Variants in RNH1 observed in about 807,000 individuals in gnomAD.
The protein encoded by RNH1 is ribonuclease/angiogenin inhibitor 1.
A neutral mutation model predicts 46.1 loss-of-function variants in RNH1; 38 were observed. The observed-to-expected ratio is 0.82, with a 90% CI of 0.64 to 1.08. The LOEUF is 1.08. RNH1 is among the 50% of genes least tolerant of loss of function. The pLI is 0.00. For missense variants in RNH1, 577 were observed against 590.7 expected, an observed-to-expected ratio of 0.98 and a Z score of 0.24; for synonymous variants, 319 against 279.1, an observed-to-expected ratio of 1.14 and a Z score of -1.43.
intron 2 of RNH1, among the ~76,000 whole-genome samples, chr11:503,959 GCT>G (rs1179070859): frequency 1.3e-5 from 2 of 152,088 alleles, no homozygotes; most frequent in Non-Finnish European, 2.9e-5. Flanking sequence ...GAAGTCCCTG[GCT>G]CCCTACACAG....
At position 494,647 on chromosome 11, in the gene RNH1, GC is replaced by G. The variant is rs763482587; in HGVS notation, c.*43del. 15 of 1,577,082 alleles carry G rather than the reference GC, an allele frequency of 9.5e-6. No homozygotes were observed. Among genetic ancestry groups the G allele is most frequent in the Non-Finnish European group, 1.3e-5 (15 of 1,148,238 alleles). On this transcript the variant is annotated 3_prime_UTR_variant, in exon 11 of 11. Coordinates refer to ENST00000354420, the MANE Select transcript of RNH1 (RefSeq NM_203387.3). ...GCAGGGGCTGGTGGGCCCCAGGGTTGCCTCGAGGCCGGTCGTCCAGGGAGAG... is the reference window on the plus strand; with the variant it reads ...GCAGGGGCTGGTGGGCCCCAGGGTTGCTCGAGGCCGGTCGTCCAGGGAGAG...
At position 498,009 on chromosome 11, in the gene RNH1, C is replaced by A. The variant is rs1211899807; in HGVS notation, c.1089G>T (p.Gln363His). The change falls in exon 9 of 11, where the codon CAG (glutamine) becomes CAT (histidine). Residue 363 changes from glutamine to histidine, a missense_variant. Gln to His is a conservative substitution (Grantham distance 24). Transcript: ENST00000354420. ...GCACAGAGCCAGGCTGGCCCAGGCC[C>A]TGGCACAGCTCCCGCACGCCCGCAT... ...LEDAGVRELC[Q>H]GLGQPGSVLR... is the part of the protein sequence containing the mutation. The A allele has an allele frequency of 1.2e-6, 2 of 1,613,936 alleles. No individual in the cohort carries two copies. The highest frequency in any genetic ancestry group is 1.7e-6 in the Non-Finnish European group (2 of 1,180,012).
rs1849580288 is a variant in RNH1, at chr11:499,857, C to A, written c.415G>T (p.Asp139Tyr). The change falls in exon 5 of 11, where the codon GAC becomes TAC. Residue 139 changes from aspartate to tyrosine, a missense_variant. Asp to Tyr is a radical substitution (Grantham distance 160, BLOSUM62 -3). Transcript: ENST00000354420. ...AGCTTTTCCAGGCGGCACTGGGGGT[C>A]CAGGAGTCCTTCGCAGAGCAGCTGC... ...GLQLLCEGLLDPQCRLEKLQL... is the reference protein window; with the variant it reads ...GLQLLCEGLLYPQCRLEKLQL... 3 of 1,611,716 alleles carry A rather than the reference C, an allele frequency of 1.9e-6. No individual in the cohort carries two copies. The highest frequency in any genetic ancestry group is 2.5e-6 in the Non-Finnish European group (3 of 1,179,066).
Position 502,567 on chromosome 11 carries a change from G to A in RNH1, c.-87-318C>T. 1 of 252,308 alleles carries A rather than the reference G, an allele frequency of 4.0e-6. No individual in the cohort carries two copies. Among genetic ancestry groups the A allele is most frequent in the Non-Finnish European group, 7.9e-6 (1 of 125,794 alleles). The allele number at this position is 252,308 out of a possible 1,614,324, so 15.6% of individuals were successfully genotyped here. ...GCTTGGGCAAGGACAGGGTAGGGTGGGGTGGTCTGTGAGCCTGGAGGCCCC... is the reference window on the plus strand; with the variant it reads ...GCTTGGGCAAGGACAGGGTAGGGTGAGGTGGTCTGTGAGCCTGGAGGCCCC... On this transcript the variant is annotated intron_variant, in intron 2 of 10. Coordinates refer to ENST00000354420, the MANE Select transcript of RNH1 (RefSeq NM_203387.3). This position sits in a 1 kb window ranked among gnomAD's most constrained non-coding sequence, Gnocchi z 5.8.
Position 502,093 on chromosome 11 carries a change from G to A in RNH1, c.70C>T (p.Leu24Phe). 1.9e-6 allele frequency: 3 copies of A among 1,612,278 alleles called. No individual in the cohort carries two copies. Among genetic ancestry groups the A allele is most frequent in the Non-Finnish European group, 2.5e-6 (3 of 1,179,592 alleles). The change falls in exon 3 of 11, where the codon CTC becomes TTC. Residue 24 changes from leucine to phenylalanine, a missense_variant. Coordinates refer to ENST00000354420, the MANE Select transcript of RNH1 (RefSeq NM_203387.3). This position sits in a 1 kb window ranked among gnomAD's most constrained non-coding sequence, Gnocchi z 5.8. ...ELSDARWAEL[L>F]PLLQQCQVVR... ...ACTTGGCACTGCTGGAGCAGAGGGAGGAGCTCGGCCCATCTAGCGTCGCTC... is the reference window on the plus strand; with the variant it reads ...ACTTGGCACTGCTGGAGCAGAGGGAAGAGCTCGGCCCATCTAGCGTCGCTC...
intron 2 of RNH1, among the ~76,000 whole-genome samples, chr11:503,930 G>A (rs752714902): frequency 1.3e-5 from 2 of 152,086 alleles, no homozygotes; most frequent in East Asian, 1.9e-4. Flanking sequence ...GGGAGTAAAC[G>A]CCCTTCTCTG....
In RNH1 at chr11:499,159, G is replaced by A; in HGVS notation, c.470C>T (p.Ala157Val). 1.2e-6 allele frequency: 2 copies of A among 1,612,710 alleles called. No homozygotes were observed. The highest frequency in any genetic ancestry group is 1.7e-6 in the Non-Finnish European group (2 of 1,179,942). ...CACGGAGGCCAGGGGCTCGCAGCTGGCAGCCGAGAGGCTGCAATACTCCAG... is the reference window on the plus strand; with the variant it reads ...CACGGAGGCCAGGGGCTCGCAGCTGACAGCCGAGAGGCTGCAATACTCCAG... ...LQLEYCSLSA[A>V]SCEPLASVLR... is the part of the protein sequence containing the mutation. The change falls in exon 6 of 11, where the codon GCC becomes GTC. Residue 157 changes from alanine (A) to valine (V), a missense_variant. Transcript: ENST00000354420.
In RNH1 at chr11:494,527, G is replaced by A; in HGVS notation, c.*164C>T. 1 of 681,252 alleles carries A rather than the reference G, an allele frequency of 1.5e-6. No homozygotes were observed. Among genetic ancestry groups the A allele is most frequent in the Non-Finnish European group, 2.6e-6 (1 of 391,694 alleles). The allele number at this position is 681,252 out of a possible 1,614,324, so 42.2% of individuals were successfully genotyped here. A position where few individuals can be genotyped will look rare whatever the true frequency, so the allele number is the denominator to read the frequency against. ...CAAGAGCCTCTCCTGCCAAGAAAGT[G>A]CTTTAATGATTATAAAGTGTCCAAA... On this transcript the variant is annotated 3_prime_UTR_variant, in exon 11 of 11. Transcript: ENST00000354420.
intron 3 of RNH1, 199 bp from the exon 4 acceptor site, chr11:500,853 G>A: frequency 1.4e-6 from 1 of 721,988 alleles, no homozygotes; most frequent in East Asian, 2.7e-5. Flanking sequence ...ACGTGGCCAG[G>A]CGCGGTGGCT....
chr11:496,862 G>A (rs1849115943), intron 9 of RNH1, among the ~76,000 whole-genome samples: 2 of 152,390 alleles, frequency 1.3e-5, no homozygotes, highest in South Asian at 2.1e-4. Flanking sequence ...CGGGGTTCCC[G>A]CAAGGGAGAA....
intron 4 of RNH1, 183 bp from the exon 5 acceptor site, chr11:500,182 G>A (rs149205078): frequency 8.5e-5 from 62 of 730,522 alleles, no homozygotes; most frequent in Middle Eastern, 7.9e-4. Flanking sequence ...CATGTGGCTC[G>A]ACCCAGGGAA....
At position 501,210 on chromosome 11, in the gene RNH1, G is replaced by A. The variant is rs1849723086; in HGVS notation, c.102-556C>T. On this transcript the variant is annotated intron_variant, in intron 3 of 10. Transcript: ENST00000354420. The surrounding 1 kb of genome is among the most constrained non-coding windows in gnomAD (Gnocchi z 4.1). Reference sequence around the variant, plus strand: ...TGGCGTCACAGTGGAGAGGGTGGCAGACGGCGCCTGTGACAGGACGCTCCT... The same window carrying A: ...TGGCGTCACAGTGGAGAGGGTGGCAAACGGCGCCTGTGACAGGACGCTCCT... 1.4e-5 allele frequency: 3 copies of A among 213,528 alleles called. No homozygotes were observed. Among genetic ancestry groups the A allele is most frequent in the Non-Finnish European group, 2.9e-5 (3 of 104,072 alleles). The allele number at this position is 213,528 out of a possible 1,614,324, so 13.2% of individuals were successfully genotyped here.
chr11:498,697 G>C (rs1849402414), intron 7 of RNH1, 66 bp downstream of exon 7: 6 of 1,597,080 alleles, frequency 3.8e-6, no homozygotes, highest in Non-Finnish European at 5.1e-6. Context: ...CCAGGGGCGG[G>C]GGAGAGCTCT....
chr11:495,165 G>A, intron 9 of RNH1, 112 bp from the exon 10 acceptor site: 1 of 1,111,660 alleles, frequency 9.0e-7, no homozygotes, highest in South Asian at 1.4e-5. Flanking sequence ...CGGCAACTCA[G>A]GACCCTCAGG....
intron 9 of RNH1, among the ~76,000 whole-genome samples, chr11:496,563 G>A (rs1849080062): frequency 6.6e-6 from 1 of 152,224 alleles, no homozygotes; most frequent in African/African-American, 2.4e-5. Flanking sequence ...CAGCTACTCG[G>A]GAGGTTGAGA....
chr11:494,850 T>C (rs1848897811), intron 10 of RNH1, 33 bp downstream of exon 10: 3 of 1,602,588 alleles, frequency 1.9e-6, no homozygotes, highest in African/African-American at 2.7e-5. Context: ...TGGGCAGCCC[T>C]GGCCGCACCA....
chr11:502,379 G>C lies in RNH1; in HGVS notation c.-87-130C>G, dbSNP rs1318975691. The stretch of plus-strand genomic sequence containing the variant: ...ACATCAGGGGTGGGGCAGGGGGCAG[G>C]GACCAGCACCCACCCCCAGAAAGGC... On this transcript the variant is annotated intron_variant, in intron 2 of 10. Transcript: ENST00000354420. The surrounding 1 kb of genome is among the most constrained non-coding windows in gnomAD (Gnocchi z 5.8). 3 of 587,102 alleles carry C rather than the reference G, an allele frequency of 5.1e-6. No individual in the cohort carries two copies. Among genetic ancestry groups the C allele is most frequent in the Non-Finnish European group, 9.1e-6 (3 of 327,940 alleles). The allele number at this position is 587,102 out of a possible 1,614,324, so 36.4% of individuals were successfully genotyped here. A position where few individuals can be genotyped will look rare whatever the true frequency, so the allele number is the denominator to read the frequency against.
intron 3 of RNH1, chr11:500,868 C>T: frequency 1.5e-6 from 1 of 675,966 alleles, no homozygotes; most frequent in Non-Finnish European, 2.7e-6. Flanking sequence ...GTGGCTCACG[C>T]CTGTAATCCC....
chr11:499,694 G>T, intron 5 of RNH1, 135 bp downstream of exon 5: 1 of 1,064,678 alleles, frequency 9.4e-7, no homozygotes, highest in Non-Finnish European at 1.4e-6. Context: ...GCATCATGGG[G>T]AAAGGAGAGC....
Sources: gnomAD v4.1 joint callset for allele counts (sites outside exome capture counted in the v4.1 genomes callset) on GRCh38, gnomAD v4.1.1 for gene constraint, Gnocchi (gnomAD v3.1) non-coding constraint, MANE v1.5 for transcripts, NCBI Gene and HGNC (gene_info 2026-07-23, HGNC 2026-07-21) for gene names.